KIAA1755: variants seen among roughly 807,000 people sequenced by gnomAD.
The protein encoded by KIAA1755 is KIAA1755.
In KIAA1755, 68 loss-of-function variants were observed where a neutral mutation model predicts 91.7. That is an observed-to-expected ratio of 0.74 (90% CI 0.61 to 0.91). KIAA1755 has a LOEUF of 0.91. KIAA1755 is among the 40% of genes least tolerant of loss of function. The pLI is 0.00. For missense variants in KIAA1755, 1,535 were observed against 1,494.4 expected, an observed-to-expected ratio of 1.03 and a Z score of -0.45; for synonymous variants, 610 against 604.6, an observed-to-expected ratio of 1.01 and a Z score of -0.13.
intron 7 of KIAA1755, 133 bp downstream of exon 7, chr20:38,227,016 CGTATT>C: frequency 1.7e-6 from 1 of 604,856 alleles, no homozygotes. Context: ...GCTTAGGCCT[CGTATT>C]TATTGCCTTA....
chr20:38,230,012 C>A (rs1174251989), intron 5 of KIAA1755, among the ~76,000 whole-genome samples: 3 of 152,198 alleles, frequency 2.0e-5, no homozygotes, highest in African/African-American at 4.8e-5. Flanking sequence ...AGGGTTCCAT[C>A]ACCTTCCACC....
chr20:38,259,830 A>ACACG (rs1430334993), intron 1 of KIAA1755, among the ~76,000 whole-genome samples: 2 of 150,894 alleles, frequency 1.3e-5, no homozygotes, highest in African/African-American at 4.9e-5. Context: ...CCACACACAC[A>ACACG]CACACACACA....
chr20:38,245,397 C>T (rs989953501), intron 2 of KIAA1755, among the ~76,000 whole-genome samples: 36 of 152,206 alleles, frequency 2.4e-4, no homozygotes, highest in African/African-American at 7.2e-4. Flanking sequence ...TCCACCCTTC[C>T]CTGGTTTGAG....
At chr20:38,238,802 G>A (rs1209583713) in intron 4 of KIAA1755, among the ~76,000 whole-genome samples, 1 of 152,196 alleles carries the variant, frequency 6.6e-6, no homozygotes, top group East Asian at 1.9e-4. Context: ...AAATACGAGT[G>A]ATAAGACCTT....
rs1568764987 is a variant in KIAA1755, at chr20:38,241,524, GC to G, written c.606del (p.Leu204PhefsTer3). ...QVVNALCQAW[G>X]PLPLEALDLS... ...AAATCCAGTGCCTCTAATGGAAGGG[GC>G]CCCCAGGCTTGGCAGAGGGCATTCA... On this transcript the variant is annotated frameshift_variant, in exon 3 of 14. Transcript: ENST00000279024. LOFTEE classifies it high-confidence loss of function. The G allele has an allele frequency of 1.2e-6, 2 of 1,614,222 alleles. No homozygotes were observed. Among genetic ancestry groups the G allele is most frequent in the Admixed American group, 1.7e-5 (1 of 60,026 alleles).
intron 8 of KIAA1755, among the ~76,000 whole-genome samples, chr20:38,224,981 A>G (rs539057382): frequency 2.0e-5 from 3 of 152,096 alleles, no homozygotes; most frequent in African/African-American, 7.2e-5. Flanking sequence ...GTGCCTGTAA[A>G]TTTATTTTAT....
At chr20:38,238,506 G>T (rs6123503) in intron 4 of KIAA1755, among the ~76,000 whole-genome samples, 1 of 152,100 alleles carries the variant, frequency 6.6e-6, no homozygotes, top group Non-Finnish European at 1.5e-5. Context: ...CATACCATAG[G>T]ACTGGGCTTT....
chr20:38,228,266 G>A (rs757544135), intron 5 of KIAA1755, 26 bp from the exon 6 acceptor site: 8 of 1,562,968 alleles, frequency 5.1e-6, no homozygotes, highest in East Asian at 4.7e-5. Context: ...AGAATTGACA[G>A]TCTTGCTGGA....
Position 38,241,556 on chromosome 20 carries a change from TG to T in KIAA1755, c.574del (p.Gln192LysfsTer2). 4 of 1,614,202 alleles carry T rather than the reference TG, an allele frequency of 2.5e-6. No individual in the cohort carries two copies. The highest frequency in any genetic ancestry group is 3.4e-6 in the Non-Finnish European group (4 of 1,180,030). The part of the protein sequence containing the change: ...TSPEFVDDRP[Q>X]VVNALCQAWG... ...GGCTTGGCAGAGGGCATTCACTACT[TG>T]GGGTCTGTCATCCACAAACTCTGGG... is the stretch of plus-strand genomic sequence containing the variant. On this transcript the variant is annotated frameshift_variant, in exon 3 of 14. Coordinates refer to ENST00000279024, the MANE Select transcript of KIAA1755 (RefSeq NM_001029864.2). LOFTEE classifies it high-confidence loss of function.
chr20:38,230,888 CAAA>C (rs61043014), intron 5 of KIAA1755, among the ~76,000 whole-genome samples: 1 of 107,534 alleles, frequency 9.3e-6, no homozygotes. Context: ...AACTCCATTT[CAAA>C]AAAAAAAAAA....
intron 5 of KIAA1755, among the ~76,000 whole-genome samples, chr20:38,230,760 T>C (rs1177596952): frequency 1.3e-5 from 2 of 152,014 alleles, no homozygotes; most frequent in East Asian, 1.9e-4. Context: ...TGGTGGTGCA[T>C]GCCTGTAATC....
At chr20:38,217,522 G>A (rs1156901016) in intron 12 of KIAA1755, 48 bp from the exon 13 acceptor site, 1 of 1,442,296 alleles carries the variant, frequency 6.9e-7, no homozygotes, top group East Asian at 2.5e-5. Context: ...ACCTTGGCTG[G>A]GGCCTCCCTC....
chr20:38,222,349 G>A (rs2075673984), intron 10 of KIAA1755, 100 bp downstream of exon 10: 11 of 1,308,398 alleles, frequency 8.4e-6, no homozygotes, highest in Admixed American at 2.1e-5. Flanking sequence ...GGGCGCCCTC[G>A]GGGCTCAGCT....
At chr20:38,220,297 CTTTT>C (rs35575614) in intron 10 of KIAA1755, among the ~76,000 whole-genome samples, 1 of 134,392 alleles carries the variant, frequency 7.4e-6, no homozygotes, top group Admixed American at 7.5e-5. Flanking sequence ...TGATGTTTCC[CTTTT>C]TTTTTTTTTT....
chr20:38,232,178 G>A (rs1466779976), intron 4 of KIAA1755, among the ~76,000 whole-genome samples: 2 of 152,198 alleles, frequency 1.3e-5, no homozygotes, highest in Non-Finnish European at 2.9e-5. Context: ...GCCACTCCAC[G>A]TGGGCACCAC....
In KIAA1755 at chr20:38,227,812, G is replaced by A. The variant is rs576791357; in HGVS notation, c.1965+335C>T. Among the ~76,000 whole-genome samples the A allele has an allele frequency of 7.2e-5, 11 of 152,338 alleles. No homozygotes were observed. In the East Asian group the frequency reaches 1.5e-3, roughly 21 times the overall value. On this transcript the variant is annotated intron_variant, in intron 6 of 13. Transcript: ENST00000279024. ...AAGTCAGAGCTGCTGGGAGCCATCCGGCCACCAAGGGGCGCGGGGTGCCAA... is the reference window on the plus strand; with the variant it reads ...AAGTCAGAGCTGCTGGGAGCCATCCAGCCACCAAGGGGCGCGGGGTGCCAA...
chr20:38,235,574 G>A (rs1427405389), intron 4 of KIAA1755, among the ~76,000 whole-genome samples: 1 of 152,136 alleles, frequency 6.6e-6, no homozygotes, highest in Non-Finnish European at 1.5e-5. Flanking sequence ...ATGGAGGAAG[G>A]GGCCACAAGC....
rs145167761 is a variant in KIAA1755, at chr20:38,223,961, C to T, written c.2170-325G>A. On this transcript the variant is annotated intron_variant, in intron 8 of 13. Coordinates refer to ENST00000279024, the MANE Select transcript of KIAA1755 (RefSeq NM_001029864.2). ...GGAGAAGAAAGGAGACAGGCCTGAG[C>T]GACTCCCAGGCCAGTGGGGATACCA... is the stretch of plus-strand genomic sequence containing the variant. Among the ~76,000 whole-genome samples the T allele has an allele frequency of 1.3e-3, 199 of 152,152 alleles. 1 individual carries two copies. The highest frequency in any genetic ancestry group is 4.6e-3 in the African/African-American group (189 of 41,484).
intron 11 of KIAA1755, 45 bp from the exon 12 acceptor site, chr20:38,218,411 A>T: frequency 6.2e-7 from 1 of 1,608,574 alleles, no homozygotes; most frequent in Non-Finnish European, 8.5e-7. Flanking sequence ...CTGCTAGGAG[A>T]CCTCCCTTGT....
Sources: allele counts gnomAD v4.1 joint callset (sites outside exome capture counted in the v4.1 genomes callset), GRCh38; gene constraint gnomAD v4.1.1; transcripts MANE v1.5; gene names NCBI Gene and HGNC (gene_info 2026-07-23, HGNC 2026-07-21).